The following MTBP variants were observed in gnomAD, a reference collection of about 807,000 sequenced individuals.
MTBP encodes the protein mdm2-binding protein.
A neutral mutation model predicts 117.0 loss-of-function variants in MTBP; 101 were observed. The observed-to-expected ratio is 0.86, with a 90% CI of 0.73 to 1.02. The LOEUF (loss-of-function observed/expected upper bound fraction) is 1.02, where lower values mean the gene tolerates loss of function less well. MTBP is among the 50% of genes least tolerant of loss of function. The pLI is 0.00. For missense variants in MTBP, 970 were observed against 1,030.9 expected (o/e 0.94, Z 0.81); for synonymous variants, 350 against 351.5 (o/e 1.00, Z 0.05).
intron 11 of MTBP, among the ~76,000 whole-genome samples, chr8:120,480,127 C>G (rs976766868): frequency 6.6e-6 from 1 of 150,574 alleles, no homozygotes; most frequent in Non-Finnish European, 1.5e-5. Flanking sequence ...GATAGAACTC[C>G]AAATTGAACC....
Position 120,501,583 on chromosome 8 carries a change from C to CA in MTBP, c.1610-906dup, listed in dbSNP as rs1472067798. ...GAAAAAAAAAAAAAAATTCCTTTAC[C>CA]AAATCATTACTTTCTCAGTCCTCTC... On this transcript the variant is annotated intron_variant, in intron 14 of 21. Transcript: ENST00000305949. Among the ~76,000 whole-genome samples, 4 of 151,424 alleles carry CA rather than the reference C, an allele frequency of 2.6e-5. No individual in the cohort carries two copies. The East Asian group carries it at 7.7e-4, about 29-fold the overall frequency.
At chr8:120,459,077 A>C (rs1563786189) in intron 7 of MTBP, 138 bp from the exon 8 acceptor site, 2 of 683,642 alleles carry the variant, frequency 2.9e-6, no homozygotes, top group Non-Finnish European at 2.3e-6. Flanking sequence ...AAATGTGAGA[A>C]GCACACTTTT....
At chr8:120,455,372 T>C (rs1411843885) in intron 5 of MTBP, 63 bp from the exon 6 acceptor site, 1 of 993,522 alleles carries the variant, frequency 1.0e-6, no homozygotes, top group African/African-American at 1.7e-5. Flanking sequence ...TTCAGGGTAC[T>C]ATTTTGAGAC....
Position 120,451,061 on chromosome 8 carries a change from A to G in MTBP, c.258A>G (p.Ile86Met). The change falls in exon 3 of 22, where the codon ATA (isoleucine) becomes ATG (methionine). Residue 86 changes from isoleucine to methionine, a missense_variant. Coordinates refer to ENST00000305949, the MANE Select transcript of MTBP (RefSeq NM_022045.5). Reference protein sequence around the residue: ...SKKWFFAVQAIYGFYQFCSSD... With the variant: ...SKKWFFAVQAMYGFYQFCSSD... Reference sequence around the variant, plus strand: ...AGTGGTTCTTTGCAGTGCAGGCAATATATGGATTTTATCAGGTAATATAAA... The same window carrying G: ...AGTGGTTCTTTGCAGTGCAGGCAATGTATGGATTTTATCAGGTAATATAAA... 1.2e-6 allele frequency: 2 copies of G among 1,611,888 alleles called. No homozygotes were observed. The highest frequency in any genetic ancestry group is 1.7e-6 in the Non-Finnish European group (2 of 1,178,844).
intron 2 of MTBP, among the ~76,000 whole-genome samples, chr8:120,448,735 T>C (rs1813277116): frequency 6.6e-6 from 1 of 152,168 alleles, no homozygotes. Flanking sequence ...AACCAGGTTG[T>C]TGGGGAACTG....
At chr8:120,468,932 T>G (rs1035599199) in intron 10 of MTBP, among the ~76,000 whole-genome samples, 9 of 152,132 alleles carry the variant, frequency 5.9e-5, no homozygotes, top group African/African-American at 1.7e-4. Flanking sequence ...ATCGAGAAAT[T>G]GTTCGTTGTT....
At chr8:120,446,572 A>AG in intron 2 of MTBP, 59 bp downstream of exon 2, 10 of 1,038,678 alleles carry the variant, frequency 9.6e-6, no homozygotes, top group Non-Finnish European at 1.4e-5. Flanking sequence ...AATTAACTTA[A>AG]TTAATTTGGA....
chr8:120,508,920 T>C (rs1371617357), intron 16 of MTBP, among the ~76,000 whole-genome samples: 1 of 152,178 alleles, frequency 6.6e-6, no homozygotes, highest in African/African-American at 2.4e-5. Context: ...CTTAATCTAA[T>C]TGCAGTGACC....
chr8:120,515,181 T>C (rs1423747016), intron 17 of MTBP, among the ~76,000 whole-genome samples: 3 of 152,046 alleles, frequency 2.0e-5, no homozygotes, highest in African/African-American at 7.2e-5. Context: ...ATCACATATG[T>C]GAAGCCATTT....
chr8:120,521,183 T>C (rs1180144222), intron 20 of MTBP, among the ~76,000 whole-genome samples: 1 of 152,076 alleles, frequency 6.6e-6, no homozygotes, highest in African/African-American at 2.4e-5. Flanking sequence ...TTGAAAAAAC[T>C]TTGCTGTACA....
At chr8:120,486,745 G>A (rs996119871) in intron 11 of MTBP, among the ~76,000 whole-genome samples, 1 of 152,118 alleles carries the variant, frequency 6.6e-6, no homozygotes, top group African/African-American at 2.4e-5. Context: ...GTGGGGAAAA[G>A]CAGGCTGCGG....
intron 11 of MTBP, among the ~76,000 whole-genome samples, chr8:120,477,847 A>G (rs935312312): frequency 6.6e-6 from 1 of 152,168 alleles, no homozygotes; most frequent in Non-Finnish European, 1.5e-5. Context: ...CAGTGTGGCA[A>G]TTCTTCAATG....
Position 120,502,490 on chromosome 8 carries a change from AGATT to A in MTBP, c.1610-1_1612del. Reference sequence around the variant, plus strand: ...GACTTATGTGTATTTCTTTCACTTTAGATTTTAGTCCAGTGGAACCTAATTCCTC... The same window carrying A: ...GACTTATGTGTATTTCTTTCACTTTATTAGTCCAGTGGAACCTAATTCCTC... On this transcript the variant is annotated splice_acceptor_variant and coding_sequence_variant, in exon 15 of 22. Transcript: ENST00000305949. LOFTEE classifies it high-confidence loss of function. 1 of 1,562,488 alleles carries A rather than the reference AGATT, an allele frequency of 6.4e-7. No individual in the cohort carries two copies. The highest frequency in any genetic ancestry group is 1.2e-5 in the South Asian group (1 of 83,202).
At chr8:120,460,029 G>T (rs1188593059) in intron 8 of MTBP, among the ~76,000 whole-genome samples, 1 of 151,996 alleles carries the variant, frequency 6.6e-6, no homozygotes, top group Non-Finnish European at 1.5e-5. Flanking sequence ...CACTTTAAAA[G>T]AACTAATTTA....
intron 14 of MTBP, among the ~76,000 whole-genome samples, chr8:120,499,170 C>T (rs1441112546): frequency 6.6e-6 from 1 of 152,134 alleles, no homozygotes; most frequent in African/African-American, 2.4e-5. Flanking sequence ...AGTACCAGTA[C>T]ATTTCTGTTT....
At chr8:120,481,462 A>G (rs573301347) in intron 11 of MTBP, among the ~76,000 whole-genome samples, 3 of 152,068 alleles carry the variant, frequency 2.0e-5, no homozygotes, top group Admixed American at 2.0e-4. Context: ...TTTTTTGCAT[A>G]TAATGGAATA....
At chr8:120,475,657 G>T (rs979431057) in intron 11 of MTBP, among the ~76,000 whole-genome samples, 1 of 151,742 alleles carries the variant, frequency 6.6e-6, no homozygotes, top group Non-Finnish European at 1.5e-5. Context: ...TTTAAAATTG[G>T]TATTCAATAA....
chr8:120,519,366 G>A (rs575837111), intron 20 of MTBP, among the ~76,000 whole-genome samples: 83 of 152,180 alleles, frequency 5.5e-4, no homozygotes, highest in African/African-American at 2.0e-3. Flanking sequence ...ACCAAGGGAT[G>A]ACTGTGTAGT....
intron 7 of MTBP, 145 bp downstream of exon 7, chr8:120,456,815 C>G: frequency 1.6e-6 from 1 of 616,952 alleles, no homozygotes; most frequent in East Asian, 2.9e-5. Context: ...ATTAAATGTT[C>G]TATATCTGTG....
Sources: allele counts gnomAD v4.1 joint callset (sites outside exome capture counted in the v4.1 genomes callset), GRCh38; gene constraint gnomAD v4.1.1; transcripts MANE v1.5; gene names NCBI Gene and HGNC (gene_info 2026-07-23, HGNC 2026-07-21).